Variants in RNF6 observed in about 807,000 individuals in gnomAD.
RNF6 encodes ring finger protein 6.
A neutral mutation model predicts 50.1 loss-of-function variants in RNF6; 21 were observed. The ratio of observed to expected loss-of-function variants is 0.42; its 90% CI spans 0.30 to 0.60. RNF6 has a LOEUF of 0.60. Ranked by LOEUF, RNF6 falls within the 20% of genes least tolerant of loss-of-function variation. RNF6 has a pLI of 0.20. For synonymous variants in RNF6, 255 were observed against 291.8 expected (o/e 0.87, Z 1.29); for missense variants, 698 against 838.2 (o/e 0.83, Z 2.07).
intron 5 of RNF6, among the ~76,000 whole-genome samples, chr13:26,166,826 A>G (rs1404643494): frequency 3.3e-5 from 5 of 152,170 alleles, no homozygotes; most frequent in Non-Finnish European, 7.3e-5. Context: ...AGGCTGAGGC[A>G]TGAGAACCAC....
Position 26,183,826 on chromosome 13 carries a change from A to G in RNF6, n.768+31648T>C, listed in dbSNP as rs564180366. On this transcript the variant is annotated intron_variant and non_coding_transcript_variant, in intron 5 of 5. Transcript: ENST00000468480. ...AGATTACTTTGCTTGAAAATTCATA[A>G]AAAATCTACAATATATTCCTCGAAT... Among the ~76,000 whole-genome samples the G allele has an allele frequency of 2.7e-5, 4 of 150,098 alleles. No homozygotes were observed. In the South Asian group the frequency reaches 8.4e-4, roughly 31 times the overall value.
chr13:26,175,317 G>C (rs1241438749), intron 5 of RNF6, among the ~76,000 whole-genome samples: 1 of 152,180 alleles, frequency 6.6e-6, no homozygotes, highest in African/African-American at 2.4e-5. Context: ...CTGGCCTCAT[G>C]TGATCTGCCT....
At chr13:26,198,761 T>A (rs1868777903) in intron 5 of RNF6, among the ~76,000 whole-genome samples, 1 of 152,006 alleles carries the variant, frequency 6.6e-6, no homozygotes, top group Non-Finnish European at 1.5e-5. Context: ...TTTTAAAAGC[T>A]ATTAAATAAG....
intron 5 of RNF6, among the ~76,000 whole-genome samples, chr13:26,136,308 A>G (rs547553085): frequency 2.2e-4 from 33 of 152,340 alleles, no homozygotes; most frequent in Non-Finnish European, 3.7e-4. Flanking sequence ...AGATCAGAAT[A>G]GTCAAATCTA....
At chr13:26,173,560 G>T (rs908482008) in intron 5 of RNF6, among the ~76,000 whole-genome samples, 1 of 151,912 alleles carries the variant, frequency 6.6e-6, no homozygotes, top group Non-Finnish European at 1.5e-5. Context: ...AAAATTTCAG[G>T]CCTAAAAAAC....
chr13:26,167,245 C>A (rs116478004), intron 5 of RNF6, among the ~76,000 whole-genome samples: 1,623 of 152,206 alleles, frequency 0.011, 28 homozygotes, highest in African/African-American at 0.037. Context: ...AGCAAAGGAA[C>A]CTATCTAGAG....
upstream of RNF6, among the ~76,000 whole-genome samples, chr13:26,223,053 A>G (rs1355504897): frequency 6.6e-6 from 1 of 152,172 alleles, no homozygotes; most frequent in Non-Finnish European, 1.5e-5. Context: ...TCTCTGTCTA[A>G]CCTGGTATAG....
At chr13:26,184,974 ATTG>A (rs1265826677) in intron 5 of RNF6, among the ~76,000 whole-genome samples, 3 of 150,296 alleles carry the variant, frequency 2.0e-5, no homozygotes, top group Non-Finnish European at 2.9e-5. Flanking sequence ...ACTTGTAGGT[ATTG>A]TTATCATTTT....
At chr13:26,132,554 T>C in intron 5 of RNF6, 1 of 394,270 alleles carries the variant, frequency 2.5e-6, no homozygotes, top group South Asian at 1.9e-5. Context: ...TGATAGTATC[T>C]AAAAATGTAT....
intron 5 of RNF6, among the ~76,000 whole-genome samples, chr13:26,160,468 C>T (rs1212730254): frequency 6.6e-6 from 1 of 151,350 alleles, no homozygotes; most frequent in Non-Finnish European, 1.5e-5. Context: ...AAGTGATTCT[C>T]CCACCTCAGC....
chr13:26,186,736 C>T (rs2137673169), intron 5 of RNF6, among the ~76,000 whole-genome samples: 1 of 151,910 alleles, frequency 6.6e-6, no homozygotes, highest in African/African-American at 2.4e-5. Flanking sequence ...AGCGCCGGCT[C>T]CGGGGAGGGC....
chr13:26,209,930 G>C (rs1869254386), downstream of RNF6, among the ~76,000 whole-genome samples: 1 of 152,142 alleles, frequency 6.6e-6, no homozygotes, highest in Admixed American at 6.5e-5. Context: ...AAAATATATA[G>C]GGGCCAACTC....
intron 4 of RNF6, among the ~76,000 whole-genome samples, chr13:26,218,122 C>G (rs1870087553): frequency 6.6e-6 from 1 of 152,142 alleles, no homozygotes; most frequent in African/African-American, 2.4e-5. Flanking sequence ...AACCATCAAA[C>G]AGAACAAAGA....
At chr13:26,197,797 G>A (rs1868730920) in intron 5 of RNF6, among the ~76,000 whole-genome samples, 1 of 151,778 alleles carries the variant, frequency 6.6e-6, no homozygotes. Context: ...AGGCCGAGGT[G>A]GGCAGATCAT....
At chr13:26,142,991 G>A (rs981649541) in intron 5 of RNF6, among the ~76,000 whole-genome samples, 22 of 152,008 alleles carry the variant, frequency 1.4e-4, no homozygotes, top group Admixed American at 2.6e-4. Context: ...AAAGTAAAGA[G>A]GAAATACTCA....
chr13:26,145,904 G>A lies in RNF6; in HGVS notation n.769-13453C>T, dbSNP rs113615660. Among the ~76,000 whole-genome samples the A allele has an allele frequency of 3.7e-3, 565 of 152,288 alleles. 7 individuals are homozygous for A. The highest frequency in any genetic ancestry group is 0.028 in the South Asian group (135 of 4,826). On this transcript the variant is annotated intron_variant and non_coding_transcript_variant, in intron 5 of 5. Coordinates refer to the RNF6 transcript ENST00000468480. Reference sequence around the variant, plus strand: ...AACCAATGTGAGGATTTTTCCAGCTGCTTGTGTATTCCAGAACTGGGGAAA... The same window carrying A: ...AACCAATGTGAGGATTTTTCCAGCTACTTGTGTATTCCAGAACTGGGGAAA...
At chr13:26,136,201 A>C (rs901711964) in intron 5 of RNF6, among the ~76,000 whole-genome samples, 2 of 152,208 alleles carry the variant, frequency 1.3e-5, no homozygotes, top group Non-Finnish European at 2.9e-5. Flanking sequence ...TTCATCTTGC[A>C]GAGCAGCTCA....
chr13:26,184,794 TAA>T (rs1873438338), intron 5 of RNF6, among the ~76,000 whole-genome samples: 1 of 152,142 alleles, frequency 6.6e-6, no homozygotes, highest in African/African-American at 2.4e-5. Flanking sequence ...GATTGAATGC[TAA>T]GCATACACAC....
chr13:26,156,836 C>T (rs1871949493), intron 5 of RNF6, among the ~76,000 whole-genome samples: 1 of 152,100 alleles, frequency 6.6e-6, no homozygotes, highest in Non-Finnish European at 1.5e-5. Flanking sequence ...TCAGTAGACC[C>T]TCGTTACCTA....
Sources: allele counts gnomAD v4.1 joint callset (sites outside exome capture counted in the v4.1 genomes callset), GRCh38; gene constraint gnomAD v4.1.1; transcripts MANE v1.5; gene names NCBI Gene and HGNC (gene_info 2026-07-23, HGNC 2026-07-21).